The following WDR81 variants were observed in gnomAD, a reference collection of about 807,000 sequenced individuals.
WDR81 encodes WD repeat domain 81.
In WDR81, 92 loss-of-function variants were observed where a neutral mutation model predicts 140.8. That is an observed-to-expected ratio of 0.65 (90% CI 0.55 to 0.78). The LOEUF is 0.78. Among genes scored for constraint, WDR81 ranks in the 30% least tolerant of loss-of-function variants. The pLI, the probability that WDR81 is intolerant of heterozygous loss-of-function variation, is 0.00. For missense variants in WDR81, 2,502 were observed against 2,636.4 expected, an observed-to-expected ratio of 0.95 and a Z score of 1.12; for synonymous variants, 1,183 against 1,156.4, an observed-to-expected ratio of 1.02 and a Z score of -0.47.
rs1915606891 is a variant in WDR81, at chr17:1,730,373, C to A, written c.3668-7C>A. On this transcript the variant is annotated splice_region_variant and splice_polypyrimidine_tract_variant and intron_variant, in intron 1 of 9. Transcript: ENST00000409644. ...TGAGGAGCTCAGGGCCTGCTCCCAC[C>A]CCGCAGATACAGCCTGCAAGATGGT... The A allele has an allele frequency of 3.7e-6, 6 of 1,608,696 alleles. No individual in the cohort carries two copies. Among genetic ancestry groups the A allele is most frequent in the Non-Finnish European group, 4.2e-6 (5 of 1,177,672 alleles).
rs371023387 is a variant in WDR81, at chr17:1,737,493, C to T, written c.5634C>T (p.Tyr1878=). ...ASDPIHTFDL[Y]GSEVVTGTVS... ...ACCCCATCCACACCTTTGACCTGTA[C>T]GGCAGCGAGGTGGTCACTGGCACCG... The change falls in exon 10 of 10, where the codon TAC becomes TAT. Residue 1878 remains tyrosine, a synonymous_variant. Coordinates refer to ENST00000409644, the MANE Select transcript of WDR81 (RefSeq NM_001163809.2). 138 of 1,613,080 alleles carry T rather than the reference C, an allele frequency of 8.6e-5. No homozygotes were observed. The highest frequency in any genetic ancestry group is 1.6e-4 in the Middle Eastern group (1 of 6,082).
intron 2 of WDR81, 49 bp from the exon 3 acceptor site, chr17:1,730,706 C>T (rs751567610): frequency 1.2e-5 from 19 of 1,554,560 alleles, no homozygotes; most frequent in African/African-American, 1.1e-4. Flanking sequence ...GGCCAGGCTA[C>T]CCCCGGCCCT....
At chr17:1,732,866 G>A (rs775215446) in intron 6 of WDR81, 35 bp downstream of exon 6, 5 of 1,562,786 alleles carry the variant, frequency 3.2e-6, no homozygotes, top group African/African-American at 1.4e-5. Flanking sequence ...CACAGTCTTC[G>A]TGGCTGTCTC....
Position 1,731,075 on chromosome 17 carries a change from C to T in WDR81, c.3974C>T (p.Pro1325Leu), listed in dbSNP as rs1245670613. ...TCTGCTCGGTGGCTCTAGGTGGCCCCAGGGAGTGCCTCAGGCCCCAGCCGA... is the reference window on the plus strand; with the variant it reads ...TCTGCTCGGTGGCTCTAGGTGGCCCTAGGGAGTGCCTCAGGCCCCAGCCGA... The part of the protein sequence containing the change: ...YLPYISYLVA[P>L]GSASGPSRLN... The change falls in exon 4 of 10, where the codon CCA becomes CTA. Residue 1325 changes from proline to leucine, a missense_variant. By Grantham distance (98) the Pro-to-Leu change is moderately conservative (BLOSUM62 -3). Transcript: ENST00000409644. 1 of 1,612,176 alleles carries T rather than the reference C, an allele frequency of 6.2e-7. No individual in the cohort carries two copies. The highest frequency in any genetic ancestry group is 8.5e-7 in the Non-Finnish European group (1 of 1,179,628).
intron 7 of WDR81, among the ~76,000 whole-genome samples, chr17:1,734,503 G>C (rs574910831): frequency 1.3e-5 from 2 of 152,326 alleles, no homozygotes; most frequent in African/African-American, 4.8e-5. Context: ...ACACACAGCC[G>C]GGCGCAGTGG....
intron 9 of WDR81, among the ~76,000 whole-genome samples, chr17:1,736,876 C>T (rs1443312582): frequency 2.6e-5 from 4 of 152,198 alleles, no homozygotes; most frequent in African/African-American, 4.8e-5. Flanking sequence ...AGCAGGCTGT[C>T]GCTGGCTCCC....
At position 1,726,930 on chromosome 17, in the gene WDR81, C is replaced by T. The variant is rs572308733; in HGVS notation, c.1971C>T (p.Asp657=). The change falls in exon 1 of 10, where the codon GAC becomes GAT. Residue 657 remains aspartate (D), a synonymous_variant. Transcript: ENST00000409644. ...GAGACAGGCCGGTGGCAGGAGAAGACGACTTGGAACAGGCCACAGAAGCTC... is the reference window on the plus strand; with the variant it reads ...GAGACAGGCCGGTGGCAGGAGAAGATGACTTGGAACAGGCCACAGAAGCTC... ...WTRDRPVAGE[D]DLEQATEALD... 797 of 1,550,418 alleles carry T rather than the reference C, an allele frequency of 5.1e-4. 6 individuals are homozygous for T. The African/African-American group carries it at 9.6e-3, about 19-fold the overall frequency.
In WDR81 at chr17:1,737,723, A is replaced by G. The variant is rs551272368; in HGVS notation, c.*38A>G. On this transcript the variant is annotated 3_prime_UTR_variant, in exon 10 of 10. Coordinates refer to ENST00000409644, the MANE Select transcript of WDR81 (RefSeq NM_001163809.2). ...GCTGGCCGGGCAAGGGTGGGAAGAC[A>G]TCTGCGGGCGCGTGTCCACTCACCC... 94 of 1,563,938 alleles carry G rather than the reference A, an allele frequency of 6.0e-5. No homozygotes were observed. Among genetic ancestry groups the G allele is most frequent in the Non-Finnish European group, 7.4e-5 (86 of 1,157,980 alleles).
chr17:1,717,742 C>T (rs184093936), intron 1 of WDR81, among the ~76,000 whole-genome samples: 32 of 152,320 alleles, frequency 2.1e-4, no homozygotes, highest in Non-Finnish European at 4.3e-4. Flanking sequence ...TTTCCCCCAT[C>T]ACTCCAAGAC....
chr17:1,725,510 T>G lies in WDR81; in HGVS notation c.551T>G (p.Val184Gly), dbSNP rs979579298. Residue 184 changes from valine (V) to glycine (G), a missense_variant, in exon 1 of 10, where the codon GTC becomes GGC. Transcript: ENST00000409644. The part of the protein sequence containing the change: ...LDSVRQALQR[V>G]YGCSFLPVGE... ...TCAGTACGGCAGGCTCTGCAGAGGGTCTATGGTTGCTCCTTCCTGCCAGTG... is the reference window on the plus strand; with the variant it reads ...TCAGTACGGCAGGCTCTGCAGAGGGGCTATGGTTGCTCCTTCCTGCCAGTG... 6.5e-7 allele frequency: 1 copy of G among 1,545,954 alleles called. No homozygotes were observed. The highest frequency in any genetic ancestry group is 8.7e-7 in the Non-Finnish European group (1 of 1,146,888).
At position 1,733,665 on chromosome 17, in the gene WDR81, A is replaced by AC; in HGVS notation, c.4633dup (p.His1545ProfsTer9). 1 of 1,609,136 alleles carries AC rather than the reference A, an allele frequency of 6.2e-7. No individual in the cohort carries two copies. The highest frequency in any genetic ancestry group is 8.5e-7 in the Non-Finnish European group (1 of 1,177,784). Reference sequence around the variant, plus strand: ...ATGCCCGGCACCGGGCCCGAGTGGGACCCCCATGGTGGGGGCTGCCCTCAG... The same window carrying AC: ...ATGCCCGGCACCGGGCCCGAGTGGGACCCCCCATGGTGGGGGCTGCCCTCAG... On this transcript the variant is annotated frameshift_variant, in exon 7 of 10. Transcript: ENST00000409644. LOFTEE classifies it high-confidence loss of function.
Position 1,727,591 on chromosome 17 carries a change from C to T in WDR81, c.2632C>T (p.Pro878Ser). 1.3e-6 allele frequency: 2 copies of T among 1,550,572 alleles called. No individual in the cohort carries two copies. Among genetic ancestry groups the T allele is most frequent in the Non-Finnish European group, 8.7e-7 (1 of 1,147,042 alleles). ...CGTGGTTCCCTTCCCACCCTACTTC[C>T]CGGCACTGCACAGATTCATCCTCCT... ...SSVVPFPPYF[P>S]ALHRFILLYQ... The change falls in exon 1 of 10, where the codon CCG (proline) becomes TCG (serine). Residue 878 changes from proline to serine, a missense_variant. Physicochemically the swap from Pro to Ser is moderately conservative, Grantham distance 74. This residue lies in a region of WDR81 where 1,737 missense variants were observed against 1,843.0 expected (regional missense o/e 0.94). Transcript: ENST00000409644.
chr17:1,729,277 C>T (rs1394421148), intron 1 of WDR81, among the ~76,000 whole-genome samples: 3 of 151,582 alleles, frequency 2.0e-5, no homozygotes, highest in South Asian at 4.2e-4. Flanking sequence ...GTTAGGAGTT[C>T]GAGACCAGCC....
upstream of WDR81, among the ~76,000 whole-genome samples, chr17:1,722,483 A>G (rs185171730): frequency 7.3e-3 from 1,099 of 150,858 alleles, 6 homozygotes; most frequent in African/African-American, 0.024. Flanking sequence ...AGTAGCTGGA[A>G]TTAGAGGCGT....
chr17:1,737,366 C>T lies in WDR81; in HGVS notation c.5507C>T (p.Ala1836Val), dbSNP rs759810113. 1.3e-5 allele frequency: 21 copies of T among 1,601,316 alleles called. No individual in the cohort carries two copies. Among genetic ancestry groups the T allele is most frequent in the African/African-American group, 2.7e-5 (2 of 74,772 alleles). The change falls in exon 10 of 10, where the codon GCG (alanine) becomes GTG (valine). Residue 1836 changes from alanine to valine, a missense_variant and splice_region_variant. By Grantham distance (64) the Ala-to-Val change is moderately conservative. Transcript: ENST00000409644. ...AHEGDILQIKAVEGSVLVSSS... is the reference protein window; with the variant it reads ...AHEGDILQIKVVEGSVLVSSS... ...TGAGGCTCTCCTCTCCCGGGACAGG[C>T]GGTGGAGGGCAGCGTCCTGGTCAGC... is the stretch of plus-strand genomic sequence containing the variant.
Position 1,732,772 on chromosome 17 carries a change from A to T in WDR81, c.4430A>T (p.Gln1477Leu). 1 of 1,613,196 alleles carries T rather than the reference A, an allele frequency of 6.2e-7. No individual in the cohort carries two copies. Among genetic ancestry groups the T allele is most frequent in the Non-Finnish European group, 8.5e-7 (1 of 1,179,984 alleles). The change falls in exon 6 of 10, where the codon CAG becomes CTG. Residue 1477 changes from glutamine to leucine, a missense_variant. Coordinates refer to ENST00000409644, the MANE Select transcript of WDR81 (RefSeq NM_001163809.2). The stretch of plus-strand genomic sequence containing the variant: ...GACCCCGCCCTGCTGGACGAGCTGC[A>T]GAAGGTGTTCACCCTGGAGATGGCA... Reference protein sequence around the residue: ...PVDPALLDELQKVFTLEMAYT... With the variant: ...PVDPALLDELLKVFTLEMAYT...
In WDR81 at chr17:1,728,729, C is replaced by T. The variant is rs888490377; in HGVS notation, c.3667+103C>T. 218 of 1,344,250 alleles carry T rather than the reference C, an allele frequency of 1.6e-4. 1 individual carries two copies. The highest frequency in any genetic ancestry group is 5.9e-4 in the African/African-American group (40 of 68,202). The allele number at this position is 1,344,250 out of a possible 1,614,324, so 83.3% of individuals were successfully genotyped here. On this transcript the variant is annotated intron_variant, in intron 1 of 9. Transcript: ENST00000409644. ...CAGCACTTTGGGAGGCTGAGGCGGG[C>T]GGATCACAAGGTCAGGAGATCGAGA...
chr17:1,728,055 G>A lies in WDR81; in HGVS notation c.3096G>A (p.Glu1032=), dbSNP rs1194194695. 6.4e-7 allele frequency: 1 copy of A among 1,572,448 alleles called. No individual in the cohort carries two copies. The highest frequency in any genetic ancestry group is 1.4e-5 in the African/African-American group (1 of 73,948). Residue 1032 remains glutamate (E), a synonymous_variant, in exon 1 of 10, where the codon GAG becomes GAA. Transcript: ENST00000409644. The part of the protein sequence containing the change: ...SKDLAGAAEE[E]ESGLPGAGPG... Reference sequence around the variant, plus strand: ...ACCTGGCAGGGGCTGCTGAGGAGGAGGAGAGCGGGCTGCCCGGGGCCGGGC... The same window carrying A: ...ACCTGGCAGGGGCTGCTGAGGAGGAAGAGAGCGGGCTGCCCGGGGCCGGGC...
Position 1,726,128 on chromosome 17 carries a change from C to T in WDR81, c.1169C>T (p.Thr390Ile), listed in dbSNP as rs769693698. The change falls in exon 1 of 10, where the codon ACT (threonine) becomes ATT (isoleucine). Residue 390 changes from threonine to isoleucine, a missense_variant. Coordinates refer to ENST00000409644, the MANE Select transcript of WDR81 (RefSeq NM_001163809.2). ...HPVLPWVVDF[T>I]TPHGRFRDLR... is the part of the protein sequence containing the mutation. ...GTGCTGCCCTGGGTGGTGGACTTCACTACGCCCCATGGGCGCTTCCGAGAC... is the reference window on the plus strand; with the variant it reads ...GTGCTGCCCTGGGTGGTGGACTTCATTACGCCCCATGGGCGCTTCCGAGAC... The T allele has an allele frequency of 1.9e-6, 3 of 1,540,418 alleles. No individual in the cohort carries two copies. The highest frequency in any genetic ancestry group is 2.6e-6 in the Non-Finnish European group (3 of 1,140,214).
Sources: gnomAD v4.1 joint callset for allele counts (sites outside exome capture counted in the v4.1 genomes callset) on GRCh38, gnomAD v4.1.1 for gene constraint, gnomAD v4.1.1 regional missense constraint, MANE v1.5 for transcripts, NCBI Gene and HGNC (gene_info 2026-07-23, HGNC 2026-07-21) for gene names.